Variants in AP1B1 observed in about 807,000 individuals in gnomAD.
AP1B1 encodes adaptor related protein complex 1 subunit beta 1.
Under a neutral mutation model 104.3 loss-of-function variants are expected in AP1B1, and 36 were observed. That is an observed-to-expected ratio of 0.35 (90% CI 0.26 to 0.46). The LOEUF is 0.46. Among genes scored for constraint, AP1B1 ranks in the 20% least tolerant of loss-of-function variants. AP1B1 has a pLI of 1.00. For synonymous variants in AP1B1, 504 were observed against 517.5 expected, an observed-to-expected ratio of 0.97 and a Z score of 0.35; for missense variants, 901 against 1,247.9, an observed-to-expected ratio of 0.72 and a Z score of 4.19.
chr22:29,387,265 C>G (rs999526532), intron 1 of AP1B1, among the ~76,000 whole-genome samples: 1 of 151,002 alleles, frequency 6.6e-6, no homozygotes, highest in African/African-American at 2.4e-5. Context: ...AAGGCTACAT[C>G]GTGACATAAA....
intron 1 of AP1B1, among the ~76,000 whole-genome samples, chr22:29,377,957 C>G (rs552915971): frequency 1.5e-3 from 226 of 152,220 alleles, no homozygotes; most frequent in African/African-American, 5.2e-3. Context: ...TGCCGGCACT[C>G]TCCACTGCTG....
chr22:29,355,409 T>C (rs1468068088), intron 6 of AP1B1, among the ~76,000 whole-genome samples: 1 of 151,020 alleles, frequency 6.6e-6, no homozygotes, highest in Non-Finnish European at 1.5e-5. Flanking sequence ...TGCAGTGAGC[T>C]GAGACTGTGA....
intron 16 of AP1B1, among the ~76,000 whole-genome samples, chr22:29,336,140 G>A (rs2061634936): frequency 6.6e-6 from 1 of 152,192 alleles, no homozygotes; most frequent in Non-Finnish European, 1.5e-5. Context: ...CAAATGGTGA[G>A]GAACCCAAAA....
At chr22:29,357,612 C>A (rs552742075) in intron 5 of AP1B1, among the ~76,000 whole-genome samples, 1 of 151,744 alleles carries the variant, frequency 6.6e-6, no homozygotes, top group Non-Finnish European at 1.5e-5. Flanking sequence ...GTGATCCACC[C>A]GCCTCAGCCT....
intron 10 of AP1B1, 36 bp from the exon 11 acceptor site, chr22:29,349,419 C>A (rs1264887318): frequency 1.2e-6 from 2 of 1,604,794 alleles, no homozygotes; most frequent in Non-Finnish European, 1.7e-6. Flanking sequence ...TGGGAGCCCT[C>A]AAGGAGAACG....
intron 16 of AP1B1, among the ~76,000 whole-genome samples, chr22:29,337,961 G>A (rs574712363): frequency 1.3e-4 from 20 of 152,290 alleles, no homozygotes; most frequent in African/African-American, 4.3e-4. Flanking sequence ...CAATGGCTCC[G>A]GCTGTGCCAG....
intron 3 of AP1B1, 138 bp downstream of exon 3, chr22:29,362,863 G>T: frequency 1.5e-6 from 1 of 653,198 alleles, no homozygotes; most frequent in Admixed American, 2.6e-5. Context: ...CTATTGGGAA[G>T]AAAGTTTTAT....
chr22:29,329,015 C>A (rs751952573), intron 22 of AP1B1, 120 bp from the exon 23 acceptor site: 3 of 1,485,364 alleles, frequency 2.0e-6, no homozygotes, highest in East Asian at 4.9e-5. Flanking sequence ...CACAGCCTGG[C>A]GGCAGCTGCG....
In AP1B1 at chr22:29,351,219, A is replaced by G. The variant is rs1243020098; in HGVS notation, c.1107T>C (p.Phe369=). ...KEYATEVDVD[F]VRKAVRAIGR... ...CAATAGCACGCACAGCCTTCCGTAC[A>G]AAGTCCACATCCACTTCTGTTGCGT... The change falls in exon 9 of 23, where the codon TTT becomes TTC. Residue 369 remains phenylalanine (F), a synonymous_variant. Coordinates refer to ENST00000357586, the MANE Select transcript of AP1B1 (RefSeq NM_001127.4). The G allele has an allele frequency of 1.2e-6, 2 of 1,614,066 alleles. No individual in the cohort carries two copies. Among genetic ancestry groups the G allele is most frequent in the Non-Finnish European group, 1.7e-6 (2 of 1,180,022 alleles).
chr22:29,334,125 TG>T (rs1272582760), intron 17 of AP1B1, 139 bp downstream of exon 17: 25 of 983,476 alleles, frequency 2.5e-5, no homozygotes, highest in Non-Finnish European at 3.3e-5. Context: ...TGAGCGGTGG[TG>T]GGGAACATCC....
rs551849184 is a variant in AP1B1 at position 29,352,183 on chromosome 22, G to A, written c.939-358C>T. Among the ~76,000 whole-genome samples the A allele has an allele frequency of 1.2e-4, 19 of 152,352 alleles. No individual in the cohort carries two copies. The South Asian group carries it at 3.9e-3, about 32-fold the overall frequency. The stretch of plus-strand genomic sequence containing the variant: ...AGGCCTGTTTCCTCACCCATGAAAT[G>A]GGAATGACGCTGTACAGAAACATGT... On this transcript the variant is annotated intron_variant, in intron 7 of 22. Coordinates refer to ENST00000357586, the MANE Select transcript of AP1B1 (RefSeq NM_001127.4).
In AP1B1 at chr22:29,359,790, C is replaced by T. The variant is rs567387549; in HGVS notation, c.279+34G>A. The T allele has an allele frequency of 8.8e-6, 14 of 1,595,562 alleles. No individual in the cohort carries two copies. The South Asian group carries it at 1.4e-4, about 16-fold the overall frequency. On this transcript the variant is annotated intron_variant, in intron 4 of 22. Coordinates refer to ENST00000357586, the MANE Select transcript of AP1B1 (RefSeq NM_001127.4). The stretch of plus-strand genomic sequence containing the variant: ...TGAGGGGAGACAGAGCCTTAAGCAC[C>T]CAATGTCCCCACGCCCACCAAGCGT...
intron 11 of AP1B1, among the ~76,000 whole-genome samples, chr22:29,342,755 T>C (rs2061733616): frequency 6.6e-6 from 1 of 152,150 alleles, no homozygotes; most frequent in Non-Finnish European, 1.5e-5. Context: ...TGTCAACAAG[T>C]GGCGACAGTC....
chr22:29,377,810 CAAAA>C (rs34461211), intron 1 of AP1B1, among the ~76,000 whole-genome samples: 3 of 76,680 alleles, frequency 3.9e-5, no homozygotes, highest in African/African-American at 5.0e-5. Flanking sequence ...GACTCTGTCT[CAAAA>C]AAAAAAAAAA....
chr22:29,332,029 G>A lies in AP1B1; in HGVS notation c.2310-113C>T, dbSNP rs952152405. The A allele has an allele frequency of 1.2e-5, 13 of 1,124,326 alleles. No individual in the cohort carries two copies. The African/African-American group carries it at 1.2e-4, about 11-fold the overall frequency. 69.6% of individuals were successfully genotyped at this position (1,124,326 alleles called of 1,614,324 possible). On this transcript the variant is annotated intron_variant, in intron 17 of 22. Coordinates refer to ENST00000357586, the MANE Select transcript of AP1B1 (RefSeq NM_001127.4). ...TGTGGTTGGCAGGGAGCCTCTCACC[G>A]TGCCAGCCTTCCCATGTTCTGGACC...
rs1364688342 is a variant in AP1B1, at chr22:29,358,871, C to T, written c.380G>A (p.Arg127Gln). Residue 127 changes from arginine to glutamine, a missense_variant, in exon 5 of 23, where the codon CGG (arginine) becomes CAG (glutamine). Arg to Gln is a conservative substitution (Grantham distance 43). Coordinates refer to ENST00000357586, the MANE Select transcript of AP1B1 (RefSeq NM_001127.4). ...KITEYLCEPL[R>Q]KCLKDEDPYV... ...TGGATCCTCGTCCTTCAGGCACTTC[C>T]GGAGTGGCTCGCACAGGTACTCTGT... 3.7e-6 allele frequency: 6 copies of T among 1,614,008 alleles called. No individual in the cohort carries two copies. The Admixed American group carries it at 8.3e-5, about 22-fold the overall frequency.
At position 29,339,110 on chromosome 22, in the gene AP1B1, T is replaced by C. The variant is rs1376611768; in HGVS notation, c.2043A>G (p.Ala681=). 1 of 1,613,892 alleles carries C rather than the reference T, an allele frequency of 6.2e-7. No individual in the cohort carries two copies. Among genetic ancestry groups the C allele is most frequent in the East Asian group, 2.2e-5 (1 of 44,856 alleles). ...TGGCTGGTACTGCTGCTGTTGGAGGTGCCACGAAGTTGGTGCCCCCAATCT... is the reference window on the plus strand; with the variant it reads ...TGGCTGGTACTGCTGCTGTTGGAGGCGCCACGAAGTTGGTGCCCCCAATCT... ...PEGIGGTNFV[A]PPTAAVPANL... The change falls in exon 16 of 23, where the codon GCA becomes GCG. Residue 681 remains alanine, a synonymous_variant. Coordinates refer to ENST00000357586, the MANE Select transcript of AP1B1 (RefSeq NM_001127.4).
intron 11 of AP1B1, among the ~76,000 whole-genome samples, chr22:29,348,180 A>T (rs1188008668): frequency 6.6e-6 from 1 of 152,360 alleles, no homozygotes; most frequent in East Asian, 1.9e-4. Flanking sequence ...GTAGCCCCCA[A>T]ATCAAGACTC....
chr22:29,362,806 T>C (rs1461746119), intron 3 of AP1B1, among the ~76,000 whole-genome samples, 195 bp downstream of exon 3: 1 of 152,152 alleles, frequency 6.6e-6, no homozygotes, highest in East Asian at 1.9e-4. Context: ...CATAACCACC[T>C]GACCTGTCAG....
Sources: gnomAD v4.1 joint callset for allele counts (sites outside exome capture counted in the v4.1 genomes callset) on GRCh38, gnomAD v4.1.1 for gene constraint, MANE v1.5 for transcripts, NCBI Gene and HGNC (gene_info 2026-07-23, HGNC 2026-07-21) for gene names.